GGA1: variants seen among roughly 807,000 people sequenced by gnomAD.
GGA1 encodes ADP-ribosylation factor-binding protein GGA1.
In GGA1, 18 loss-of-function variants were observed where a neutral mutation model predicts 76.9. That is an observed-to-expected ratio of 0.23 (90% CI 0.16 to 0.35). GGA1 has a LOEUF of 0.35. Among genes scored for constraint, GGA1 ranks in the 10% least tolerant of loss-of-function variants. GGA1 has a pLI of 1.00. For synonymous variants in GGA1, 342 were observed against 354.7 expected (o/e 0.96, Z 0.40); for missense variants, 755 against 859.0 (o/e 0.88, Z 1.51).
At chr22:37,615,045 G>A (rs905859458) in intron 2 of GGA1, among the ~76,000 whole-genome samples, 1 of 152,170 alleles carries the variant, frequency 6.6e-6, no homozygotes, top group Non-Finnish European at 1.5e-5. Context: ...AGGCATGGTG[G>A]TGCACACCTG....
chr22:37,629,138 T>C (rs1264975292), intron 11 of GGA1, among the ~76,000 whole-genome samples: 1 of 152,234 alleles, frequency 6.6e-6, no homozygotes, highest in Non-Finnish European at 1.5e-5. Flanking sequence ...CTCTTCTCCC[T>C]GCAGCCCAGC....
At position 37,624,165 on chromosome 22, in the gene GGA1, C is replaced by T. The variant is rs1930389780; in HGVS notation, c.832+532C>T. The T allele has an allele frequency of 1.9e-5, 3 of 160,410 alleles. No individual in the cohort carries two copies. The highest frequency in any genetic ancestry group is 7.2e-5 in the African/African-American group (3 of 41,552). 9.9% of individuals were successfully genotyped at this position (160,410 alleles called of 1,614,324 possible). A position where few individuals can be genotyped will look rare whatever the true frequency, so the allele number is the denominator to read the frequency against. ...GCTGCGGTCTGGGTACCATCCACTCCCTCATTAAGCAGGAGCCCCACCCAC... is the reference window on the plus strand; with the variant it reads ...GCTGCGGTCTGGGTACCATCCACTCTCTCATTAAGCAGGAGCCCCACCCAC... On this transcript the variant is annotated intron_variant, in intron 9 of 16. Coordinates refer to ENST00000343632, the MANE Select transcript of GGA1 (RefSeq NM_013365.5). This position sits in a 1 kb window ranked among gnomAD's most constrained non-coding sequence, Gnocchi z 4.3.
Position 37,623,182 on chromosome 22 carries a change from G to A in GGA1, c.610-145G>A, listed in dbSNP as rs1458274210. On this transcript the variant is annotated intron_variant, in intron 7 of 16. Coordinates refer to ENST00000343632, the MANE Select transcript of GGA1 (RefSeq NM_013365.5). This position sits in a 1 kb window ranked among gnomAD's most constrained non-coding sequence, Gnocchi z 4.6. The stretch of plus-strand genomic sequence containing the variant: ...CCTAGGCATGAGGGGCTCCTGGCAG[G>A]GCCTGCTGGAGCCCCACCCAGAGTG... The A allele has an allele frequency of 6.3e-6, 5 of 790,942 alleles. No homozygotes were observed. Among genetic ancestry groups the A allele is most frequent in the Non-Finnish European group, 1.1e-5 (5 of 465,340 alleles). The allele number at this position is 790,942 out of a possible 1,614,324, so 49.0% of individuals were successfully genotyped here.
chr22:37,610,093 GC>G, intron 1 of GGA1: 1 of 152,530 alleles, frequency 6.6e-6, no homozygotes, highest in Non-Finnish European at 1.5e-5. Context: ...GGATGGGTGG[GC>G]CCCTGGCTAA....
intron 7 of GGA1, among the ~76,000 whole-genome samples, chr22:37,622,166 C>G (rs781259192): frequency 2.0e-5 from 3 of 152,078 alleles, no homozygotes; most frequent in Non-Finnish European, 2.9e-5. Context: ...GCAGCCTCAA[C>G]CTCCCGGGCT....
chr22:37,614,328 C>T, intron 2 of GGA1, 54 bp downstream of exon 2: 1 of 1,274,468 alleles, frequency 7.8e-7, no homozygotes, highest in Non-Finnish European at 1.1e-6. Flanking sequence ...AGAACCCAGT[C>T]TCGGGTACAA....
At chr22:37,615,485 G>T (rs1038560961) in intron 2 of GGA1, among the ~76,000 whole-genome samples, 1 of 151,910 alleles carries the variant, frequency 6.6e-6, no homozygotes, top group East Asian at 1.9e-4. Context: ...AAAAAATAAG[G>T]CCGGGTGTGG....
chr22:37,629,153 C>A (rs1323000092), intron 11 of GGA1, among the ~76,000 whole-genome samples: 1 of 152,104 alleles, frequency 6.6e-6, no homozygotes, highest in African/African-American at 2.4e-5. Context: ...CCCAGCCCTG[C>A]AGGCTCTCTG....
intron 1 of GGA1, chr22:37,612,887 G>A: frequency 1.8e-5 from 18 of 983,096 alleles, no homozygotes; most frequent in Non-Finnish European, 2.2e-5. Context: ...TAAAGGGGTA[G>A]CTGTCTGGTC....
chr22:37,627,351 G>T (rs1260863247), intron 11 of GGA1, among the ~76,000 whole-genome samples: 1 of 152,076 alleles, frequency 6.6e-6, no homozygotes, highest in African/African-American at 2.4e-5. Context: ...GGGAAGGAGA[G>T]CTGAGGGGAA....
Position 37,632,986 on chromosome 22 carries a change from G to C in GGA1, c.*275G>C, listed in dbSNP as rs1932080362. 4.3e-6 allele frequency: 2 copies of C among 460,326 alleles called. No individual in the cohort carries two copies. The highest frequency in any genetic ancestry group is 7.4e-5 in the East Asian group (2 of 26,914). The allele number at this position is 460,326 out of a possible 1,614,324, so 28.5% of individuals were successfully genotyped here. ...GGAGAGGGAGGGGCTGTGTAGCCTT[G>C]GAAGAACTTGGGTCATGGGGAGGAA... is the stretch of plus-strand genomic sequence containing the variant. On this transcript the variant is annotated 3_prime_UTR_variant, in exon 17 of 17. Transcript: ENST00000343632. This position sits in a 1 kb window ranked among gnomAD's most constrained non-coding sequence, Gnocchi z 5.1.
Position 37,632,604 on chromosome 22 carries a change from A to G in GGA1, c.1813A>G (p.Lys605Glu). 6.2e-7 allele frequency: 1 copy of G among 1,610,676 alleles called. No homozygotes were observed. Among genetic ancestry groups the G allele is most frequent in the Non-Finnish European group, 8.5e-7 (1 of 1,177,026 alleles). ...GCCTTTGCCATCTCTTCCCCAGGAG[A>G]AGGTTCGCCTCCGCTACAAGCTCAC... ...VLLLANPQKE[K>E]VRLRYKLTFT... The change falls in exon 17 of 17, where the codon AAG (lysine) becomes GAG (glutamate). Residue 605 changes from lysine (K) to glutamate (E), a missense_variant. Physicochemically the swap from Lys to Glu is moderately conservative, Grantham distance 56 (BLOSUM62 1). Coordinates refer to ENST00000343632, the MANE Select transcript of GGA1 (RefSeq NM_013365.5). This position sits in a 1 kb window ranked among gnomAD's most constrained non-coding sequence, Gnocchi z 5.1.
intron 1 of GGA1, chr22:37,613,070 G>A (rs909444716): frequency 8.5e-5 from 84 of 985,258 alleles, no homozygotes; most frequent in Non-Finnish European, 1.0e-4. Context: ...TGCCGTAGCA[G>A]GCTGGGGGAC....
rs1212716482 is a variant in GGA1, at chr22:37,624,606, G to T, written c.833-363G>T. 1.3e-5 allele frequency: 3 copies of T among 222,350 alleles called. No individual in the cohort carries two copies. Among genetic ancestry groups the T allele is most frequent in the African/African-American group, 6.6e-5 (3 of 45,246 alleles). The allele number at this position is 222,350 out of a possible 1,614,324, so 13.8% of individuals were successfully genotyped here. A position where few individuals can be genotyped will look rare whatever the true frequency, so the allele number is the denominator to read the frequency against. ...GGAAGGGATGAGGTGGTGCAGGAGG[G>T]ATTTAGGACAGGCCTCCCTGAGGTG... On this transcript the variant is annotated intron_variant, in intron 9 of 16. Coordinates refer to ENST00000343632, the MANE Select transcript of GGA1 (RefSeq NM_013365.5). This position sits in a 1 kb window ranked among gnomAD's most constrained non-coding sequence, Gnocchi z 4.3.
chr22:37,631,474 G>A (rs781096547), intron 14 of GGA1, among the ~76,000 whole-genome samples: 5 of 152,156 alleles, frequency 3.3e-5, no homozygotes, highest in Non-Finnish European at 7.4e-5. Flanking sequence ...CCCAGGAGCA[G>A]TAAGGGGACC....
In GGA1 at chr22:37,633,173, A is replaced by C. The variant is rs1932108465; in HGVS notation, c.*462A>C. On this transcript the variant is annotated 3_prime_UTR_variant, in exon 17 of 17. Coordinates refer to ENST00000343632, the MANE Select transcript of GGA1 (RefSeq NM_013365.5). ...GCTTAGGCCTCCTCCATAGGAACCCAGTGACTGGGGGGTGACGCCTACACC... is the reference window on the plus strand; with the variant it reads ...GCTTAGGCCTCCTCCATAGGAACCCCGTGACTGGGGGGTGACGCCTACACC... The C allele has an allele frequency of 6.3e-6, 1 of 158,718 alleles. No homozygotes were observed. The allele number at this position is 158,718 out of a possible 1,614,324, so 9.8% of individuals were successfully genotyped here.
At chr22:37,619,466 C>T (rs968775599) in intron 4 of GGA1, among the ~76,000 whole-genome samples, 5 of 151,922 alleles carry the variant, frequency 3.3e-5, no homozygotes, top group African/African-American at 7.3e-5. Flanking sequence ...GCACCCTCCA[C>T]CTCCCAGGTT....
In GGA1 at chr22:37,632,190, T is replaced by C. The variant is rs757361144; in HGVS notation, c.1698+25T>C. On this transcript the variant is annotated intron_variant, in intron 15 of 16. Transcript: ENST00000343632. The surrounding 1 kb of genome is among the most constrained non-coding windows in gnomAD (Gnocchi z 5.1). ...GGTGACAAGCCAGTCGGACAGGGCA[T>C]GCCTCCCTCCTCTCAAGGCAGGGTG... 3.1e-6 allele frequency: 5 copies of C among 1,597,500 alleles called. No individual in the cohort carries two copies. The highest frequency in any genetic ancestry group is 3.4e-5 in the Admixed American group (2 of 59,536).
chr22:37,616,808 A>G (rs1928880678), intron 2 of GGA1, 114 bp from the exon 3 acceptor site: 8 of 1,349,374 alleles, frequency 5.9e-6, no homozygotes, highest in East Asian at 2.8e-5. Flanking sequence ...ACCCTCCCCT[A>G]GGGCGACCAG....
Sources: gnomAD v4.1 joint callset for allele counts (sites outside exome capture counted in the v4.1 genomes callset) on GRCh38, gnomAD v4.1.1 for gene constraint, Gnocchi (gnomAD v3.1) non-coding constraint, MANE v1.5 for transcripts, NCBI Gene and HGNC (gene_info 2026-07-23, HGNC 2026-07-21) for gene names.